The following PBLD variants were observed in gnomAD, a reference collection of about 807,000 sequenced individuals.
PBLD encodes phenazine biosynthesis-like domain-containing protein.
A neutral mutation model predicts 31.3 loss-of-function variants in PBLD; 26 were observed. That is an observed-to-expected ratio of 0.83 (90% CI 0.61 to 1.15). PBLD has a LOEUF of 1.15. Ranked by LOEUF, PBLD falls within the 50% of genes most tolerant of loss-of-function variation. The pLI, the probability that PBLD is intolerant of heterozygous loss-of-function variation, is 0.00. For missense variants in PBLD, 307 were observed against 351.7 expected (o/e 0.87, Z 1.02); for synonymous variants, 114 against 129.0 (o/e 0.88, Z 0.79).
intron 1 of PBLD, among the ~76,000 whole-genome samples, chr10:68,315,469 C>T (rs1165254872): frequency 1.3e-5 from 2 of 151,696 alleles, no homozygotes; most frequent in Admixed American, 6.6e-5. Flanking sequence ...CCTGTTATCC[C>T]AGCTACTCAG....
intron 1 of PBLD, among the ~76,000 whole-genome samples, chr10:68,310,288 T>A (rs2044647722): frequency 6.7e-6 from 1 of 149,058 alleles, no homozygotes; most frequent in South Asian, 2.2e-4. Context: ...AAAGAAAATT[T>A]TTCTTTTTAC....
At chr10:68,315,184 T>C (rs936961065) in intron 1 of PBLD, among the ~76,000 whole-genome samples, 8 of 152,182 alleles carry the variant, frequency 5.3e-5, no homozygotes, top group African/African-American at 7.2e-5. Flanking sequence ...AACTGTTTAA[T>C]AGCACCATGG....
At chr10:68,310,231 A>G (rs2044647332) in intron 1 of PBLD, among the ~76,000 whole-genome samples, 1 of 150,222 alleles carries the variant, frequency 6.7e-6, no homozygotes, top group Non-Finnish European at 1.5e-5. Flanking sequence ...ATAAGTATCA[A>G]AAAGAATTAT....
intron 2 of PBLD, among the ~76,000 whole-genome samples, chr10:68,300,456 A>T (rs10047388): frequency 4.6e-5 from 7 of 151,950 alleles, no homozygotes; most frequent in Non-Finnish European, 1.0e-4. Flanking sequence ...AGCAATAAAT[A>T]AATTAATGAG....
intron 2 of PBLD, chr10:68,297,222 A>G: frequency 2.0e-6 from 1 of 512,402 alleles, no homozygotes; most frequent in Non-Finnish European, 3.5e-6. Flanking sequence ...ACTGTGAAAA[A>G]CTGGCTGGCC....
At chr10:68,293,847 C>T (rs951873204) in intron 4 of PBLD, among the ~76,000 whole-genome samples, 5 of 146,816 alleles carry the variant, frequency 3.4e-5, no homozygotes, top group African/African-American at 1.0e-4. Flanking sequence ...TGGTGGCAGG[C>T]ACCTGTAATC....
In PBLD at chr10:68,292,136, T is replaced by C; in HGVS notation, c.386A>G (p.His129Arg). The C allele has an allele frequency of 6.2e-7, 1 of 1,612,932 alleles. No individual in the cohort carries two copies. Among genetic ancestry groups the C allele is most frequent in the East Asian group, 2.2e-5 (1 of 44,856 alleles). The change falls in exon 5 of 10, where the codon CAC (histidine) becomes CGC (arginine). Residue 129 changes from histidine (H) to arginine (R), a missense_variant. Physicochemically the swap from His to Arg is conservative, Grantham distance 29 (BLOSUM62 0). Coordinates refer to ENST00000358769, the MANE Select transcript of PBLD (RefSeq NM_022129.4). ...IVLDLPLYPAHPQDFHEVEDL... is the reference protein window; with the variant it reads ...IVLDLPLYPARPQDFHEVEDL... ...TAATTACAAAGAGCTGACCTGGGGG[T>C]GGGCTGGATAAAGAGGCAAGTCCAG...
At chr10:68,329,863 C>A (rs558714151) in intron 1 of PBLD, among the ~76,000 whole-genome samples, 3 of 152,242 alleles carry the variant, frequency 2.0e-5, no homozygotes, top group African/African-American at 7.2e-5. Context: ...TGTTTTAAGA[C>A]CCTGGCCCTT....
chr10:68,302,177 A>G (rs1419578549), intron 2 of PBLD, among the ~76,000 whole-genome samples: 1 of 152,260 alleles, frequency 6.6e-6, no homozygotes, highest in African/African-American at 2.4e-5. Context: ...TGCACAAAAC[A>G]GTTACAAACC....
In PBLD at chr10:68,288,653, A is replaced by G; in HGVS notation, c.521T>C (p.Leu174Pro). 1 of 1,613,896 alleles carries G rather than the reference A, an allele frequency of 6.2e-7. No individual in the cohort carries two copies. The highest frequency in any genetic ancestry group is 2.2e-5 in the East Asian group (1 of 44,880). ...CTCCGTGTTCACTTTCAGGTTCTCC[A>G]GAAACGACCTTGTTCATAAACAAGA... is the stretch of plus-strand genomic sequence containing the variant. ...RLSDVYNRSF[L>P]ENLKVNTENL... Residue 174 changes from leucine (L) to proline (P), a missense_variant, in exon 8 of 10, where the codon CTG becomes CCG. Physicochemically the swap from Leu to Pro is moderately conservative, Grantham distance 98. Coordinates refer to ENST00000358769, the MANE Select transcript of PBLD (RefSeq NM_022129.4).
intron 1 of PBLD, among the ~76,000 whole-genome samples, chr10:68,315,858 G>A (rs2044730609): frequency 6.6e-6 from 1 of 152,164 alleles, no homozygotes; most frequent in African/African-American, 2.4e-5. Flanking sequence ...TTGACTCCAG[G>A]AACGTAAGAA....
intron 1 of PBLD, among the ~76,000 whole-genome samples, chr10:68,328,328 T>C (rs1812312912): frequency 6.6e-6 from 1 of 152,202 alleles, no homozygotes; most frequent in South Asian, 2.1e-4. Flanking sequence ...TGTGAACAAA[T>C]ATCTTAACCA....
At chr10:68,289,123 G>T in intron 6 of PBLD, 104 bp from the exon 7 acceptor site, 2 of 836,132 alleles carry the variant, frequency 2.4e-6, no homozygotes, top group Non-Finnish European at 3.9e-6. Context: ...TGTGAGCCAA[G>T]CATGCCCATC....
intron 2 of PBLD, among the ~76,000 whole-genome samples, chr10:68,303,181 C>T (rs1009128013): frequency 3.9e-5 from 6 of 151,924 alleles, no homozygotes; most frequent in African/African-American, 7.3e-5. Context: ...TCAAGCAACT[C>T]GCCTGCCTCA....
At chr10:68,302,047 T>C (rs1180893742) in intron 2 of PBLD, among the ~76,000 whole-genome samples, 1 of 152,224 alleles carries the variant, frequency 6.6e-6, no homozygotes, top group East Asian at 1.9e-4. Flanking sequence ...TGGTGAATCA[T>C]GGAAAGACTT....
At chr10:68,304,781 GACAAGCAGTTATAGTCAATTCC>G (rs2044553816) in intron 2 of PBLD, among the ~76,000 whole-genome samples, 2 of 152,174 alleles carry the variant, frequency 1.3e-5, no homozygotes, top group African/African-American at 4.8e-5. Flanking sequence ...TAAGACTTTT[GACAAGCAGTTATAGTCAATTCC>G]ACAATTCCTT....
At chr10:68,318,671 TATTAAA>T (rs2044772079) in intron 1 of PBLD, among the ~76,000 whole-genome samples, 1 of 152,118 alleles carries the variant, frequency 6.6e-6, no homozygotes, top group South Asian at 2.1e-4. Context: ...TTTTTTATAC[TATTAAA>T]ATTAAGTTTC....
chr10:68,294,873 G>A (rs1435579787), intron 4 of PBLD, among the ~76,000 whole-genome samples: 1 of 152,126 alleles, frequency 6.6e-6, no homozygotes, highest in Non-Finnish European at 1.5e-5. Flanking sequence ...GACTACCGGC[G>A]CCCGCCACCA....
intron 9 of PBLD, among the ~76,000 whole-genome samples, chr10:68,284,491 A>G (rs2044263539): frequency 6.6e-6 from 1 of 152,168 alleles, no homozygotes; most frequent in Non-Finnish European, 1.5e-5. Flanking sequence ...GATCTACAGA[A>G]CACACAGCTC....
Sources: allele counts gnomAD v4.1 joint callset (sites outside exome capture counted in the v4.1 genomes callset), GRCh38; gene constraint gnomAD v4.1.1; transcripts MANE v1.5; gene names NCBI Gene and HGNC (gene_info 2026-07-23, HGNC 2026-07-21).